The following NTRK1 variants were observed in gnomAD, a reference collection of about 807,000 sequenced individuals.
The protein encoded by NTRK1 is neurotrophic receptor tyrosine kinase 1.
A neutral mutation model predicts 86.8 loss-of-function variants in NTRK1; 62 were observed. The ratio of observed to expected loss-of-function variants is 0.71; its 90% CI spans 0.58 to 0.88. The LOEUF (loss-of-function observed/expected upper bound fraction) is 0.88, where lower values mean the gene tolerates loss of function less well. Ranked by LOEUF, NTRK1 falls within the 40% of genes least tolerant of loss-of-function variation. The pLI, the probability that NTRK1 is intolerant of heterozygous loss-of-function variation, is 0.00. For synonymous variants in NTRK1, 469 were observed against 456.6 expected, an observed-to-expected ratio of 1.03 and a Z score of -0.35; for missense variants, 967 against 1,078.4, an observed-to-expected ratio of 0.90 and a Z score of 1.45.
Position 156,816,173 on chromosome 1 carries a change from C to G in NTRK1, c.-64+335C>G, listed in dbSNP as rs1037213584. On this transcript the variant is annotated intron_variant, in intron 1 of 16. Coordinates refer to the NTRK1 transcript ENST00000392302. Reference sequence around the variant, plus strand: ...TCTGCCTCCCACCCCTCCTCCCAGGCTCAGGGGATCTGGAGGGCTGGGACA... The same window carrying G: ...TCTGCCTCCCACCCCTCCTCCCAGGGTCAGGGGATCTGGAGGGCTGGGACA... 9 of 1,510,274 alleles carry G rather than the reference C, an allele frequency of 6.0e-6. No individual in the cohort carries two copies. The African/African-American group carries it at 1.1e-4, about 19-fold the overall frequency. 93.6% of individuals were successfully genotyped at this position (1,510,274 alleles called of 1,614,324 possible). A position where few individuals can be genotyped will look rare whatever the true frequency, so the allele number is the denominator to read the frequency against.
chr1:156,856,996 C>T (rs549425291), upstream of NTRK1, among the ~76,000 whole-genome samples: 5 of 152,244 alleles, frequency 3.3e-5, no homozygotes, highest in African/African-American at 4.8e-5. Flanking sequence ...CCGAGCCCTC[C>T]GGTGTTATCA....
chr1:156,871,529 C>A (rs1487634657), intron 6 of NTRK1, 94 bp from the exon 7 acceptor site: 1 of 1,399,544 alleles, frequency 7.1e-7, no homozygotes, highest in Admixed American at 1.8e-5. Flanking sequence ...CCTCTCCTTT[C>A]CATCTGGAGC....
intron 2 of NTRK1, chr1:156,851,477 G>A: frequency 1.2e-6 from 2 of 1,612,924 alleles, no homozygotes; most frequent in Non-Finnish European, 1.7e-6. Context: ...CAAGGAAGGT[G>A]ATGGGTCTGT....
chr1:156,845,513 G>C (rs1235752756), intron 2 of NTRK1: 4 of 1,475,590 alleles, frequency 2.7e-6, no homozygotes, highest in East Asian at 4.7e-5. Flanking sequence ...CCCGGGACCC[G>C]CCCACACAAG....
chr1:156,815,800 C>G, exon 1 of NTRK1: 1 of 1,613,910 alleles, frequency 6.2e-7, no homozygotes, highest in East Asian at 2.2e-5. Flanking sequence ...GGCCTAGGAG[C>G]AGTAAGGGAG....
chr1:156,854,424 G>A lies in NTRK1; in HGVS notation c.51-9930G>A. ...GACAATGAGTGAGGAGCCGGGCTCT[G>A]CTCTGGGTGTGGGGTGGCCTCCTTC... On this transcript the variant is annotated intron_variant, in intron 2 of 16. Transcript: ENST00000392302. The surrounding 1 kb of genome is among the most constrained non-coding windows in gnomAD (Gnocchi z 4.2). The A allele has an allele frequency of 9.2e-7, 1 of 1,090,734 alleles. No individual in the cohort carries two copies. The highest frequency in any genetic ancestry group is 1.3e-6 in the Non-Finnish European group (1 of 776,050). The allele number at this position is 1,090,734 out of a possible 1,614,324, so 67.6% of individuals were successfully genotyped here. A position where few individuals can be genotyped will look rare whatever the true frequency, so the allele number is the denominator to read the frequency against.
Position 156,873,884 on chromosome 1 carries a change from G to C in NTRK1, c.1102G>C (p.Gly368Arg), listed in dbSNP as rs866261145. 6.3e-7 allele frequency: 1 copy of C among 1,588,326 alleles called. No individual in the cohort carries two copies. The highest frequency in any genetic ancestry group is 8.6e-7 in the Non-Finnish European group (1 of 1,166,744). Residue 368 changes from glycine (G) to arginine (R), a missense_variant, in exon 8 of 17, where the codon GGC becomes CGC. By Grantham distance (125) the Gly-to-Arg change is moderately radical (BLOSUM62 -2). Transcript: ENST00000524377. ...NYTLLAANPF[G>R]QASASIMAAF... Reference sequence around the variant, plus strand: ...CACGCTGCTGGCTGCCAACCCCTTCGGCCAGGCCTCCGCCTCCATCATGGC... The same window carrying C: ...CACGCTGCTGGCTGCCAACCCCTTCCGCCAGGCCTCCGCCTCCATCATGGC...
At chr1:156,849,444 C>T (rs1487496783) in intron 2 of NTRK1, 4 of 1,430,090 alleles carry the variant, frequency 2.8e-6, no homozygotes, top group East Asian at 3.5e-5. Flanking sequence ...TTGTCCAGCA[C>T]GTAGAGAGTG....
intron 6 of NTRK1, 127 bp downstream of exon 6, chr1:156,868,774 G>C (rs962582270): frequency 7.2e-7 from 1 of 1,396,780 alleles, no homozygotes. Context: ...GTTGAGGGAC[G>C]GACAGAGATG....
chr1:156,844,328 A>C lies in NTRK1; in HGVS notation c.50+2135A>C, dbSNP rs199859832. 20 of 1,568,650 alleles carry C rather than the reference A, an allele frequency of 1.3e-5. No individual in the cohort carries two copies. The East Asian group carries it at 4.5e-4, about 35-fold the overall frequency. ...GGGTAGAGTCAAAGATGTAGAAGTC[A>C]GAGGGAAGGTCATGCTTCTCTTTCC... On this transcript the variant is annotated intron_variant, in intron 2 of 16. Coordinates refer to the NTRK1 transcript ENST00000392302.
intron 1 of NTRK1, among the ~76,000 whole-genome samples, chr1:156,825,984 G>T (rs1008699016): frequency 1.3e-5 from 2 of 152,194 alleles, no homozygotes; most frequent in Non-Finnish European, 1.5e-5. Context: ...AGGAAGTGGG[G>T]ATTAGAACCA....
At chr1:156,841,994 G>T (rs566121796) in intron 1 of NTRK1, 3 of 1,566,004 alleles carry the variant, frequency 1.9e-6, no homozygotes, top group Non-Finnish European at 2.6e-6. Flanking sequence ...CAGGGTGGGG[G>T]TGACTTGCCA....
intron 1 of NTRK1, chr1:156,841,651 C>T (rs184789044): frequency 1.9e-6 from 3 of 1,612,930 alleles, no homozygotes; most frequent in South Asian, 2.2e-5. Flanking sequence ...CCCTGTGCTC[C>T]AGCTCGGCCC....
intron 1 of NTRK1, chr1:156,840,541 A>G (rs1475018707): frequency 2.9e-5 from 10 of 350,372 alleles, no homozygotes; most frequent in Non-Finnish European, 5.4e-5. Context: ...CCCCAAACTG[A>G]GGGGCAGGGC....
chr1:156,874,548 C>T (rs546657436), intron 9 of NTRK1, 23 bp from the exon 10 acceptor site: 3 of 1,613,558 alleles, frequency 1.9e-6, no homozygotes, highest in East Asian at 2.2e-5. Flanking sequence ...AAGGCTCACC[C>T]CTCCTGCCCT....
chr1:156,849,000 GGTCTGCCTCC>G (rs747371183), intron 2 of NTRK1: 25 of 1,612,930 alleles, frequency 1.5e-5, no homozygotes, highest in Non-Finnish European at 2.0e-5. Context: ...AGCAGGATGC[GGTCTGCCTCC>G]GTCACGTTGG....
intron 14 of NTRK1, among the ~76,000 whole-genome samples, 169 bp from the exon 15 acceptor site, chr1:156,878,953 G>T (rs1350449021): frequency 1.3e-5 from 2 of 152,172 alleles, no homozygotes; most frequent in African/African-American, 2.4e-5. Flanking sequence ...CACCTGTTCC[G>T]CTCCTCCATC....
chr1:156,821,819 C>T (rs923127648), intron 1 of NTRK1, among the ~76,000 whole-genome samples: 2 of 152,196 alleles, frequency 1.3e-5, no homozygotes, highest in Non-Finnish European at 2.9e-5. Context: ...CTGCCCAACT[C>T]CCTGGTGCTT....
At chr1:156,878,860 C>A (rs1489151294) in intron 14 of NTRK1, among the ~76,000 whole-genome samples, 8 of 152,004 alleles carry the variant, frequency 5.3e-5, no homozygotes, top group Non-Finnish European at 1.2e-4. Context: ...CAGTGGGCAT[C>A]TGGAGTTCAA....
Sources: allele counts gnomAD v4.1 joint callset (sites outside exome capture counted in the v4.1 genomes callset), GRCh38; gene constraint gnomAD v4.1.1; non-coding constraint Gnocchi (gnomAD v3.1); transcripts MANE v1.5; gene names NCBI Gene and HGNC (gene_info 2026-07-23, HGNC 2026-07-21).